Variants in TDRD12 observed in about 807,000 individuals in gnomAD.
TDRD12 encodes the protein tudor domain containing 12.
A neutral mutation model predicts 133.5 loss-of-function variants in TDRD12; 158 were observed. That is an observed-to-expected ratio of 1.18 (90% confidence interval 1.04 to 1.35). TDRD12 has a LOEUF of 1.35. Among genes scored for constraint, TDRD12 ranks in the 40% most tolerant of loss-of-function variants. TDRD12 has a pLI of 0.00. For synonymous variants in TDRD12, 460 were observed against 477.9 expected (o/e 0.96, Z 0.49); for missense variants, 1,443 against 1,321.3 (o/e 1.09, Z -1.43).
At chr19:32,787,070 C>G (rs1411452855) in intron 11 of TDRD12, among the ~76,000 whole-genome samples, 1 of 152,122 alleles carries the variant, frequency 6.6e-6, no homozygotes, top group East Asian at 1.9e-4. Flanking sequence ...GTTTTATCTA[C>G]CTTTGGTCTT....
At chr19:32,821,987 G>A (rs1274741572), downstream of TDRD12, among the ~76,000 whole-genome samples, 1 of 152,136 alleles carries the variant, frequency 6.6e-6, no homozygotes, top group African/African-American at 2.4e-5. Context: ...GGGCATGGTG[G>A]GGGGGCACCT....
At chr19:32,821,340 G>A (rs891932428), downstream of TDRD12, 9 of 579,488 alleles carry the variant, frequency 1.6e-5, no homozygotes, top group South Asian at 4.1e-5. Context: ...CCAGTGATGC[G>A]CACAGATGTT....
chr19:32,826,214 CAATG>C, downstream of TDRD12: 1 of 1,506,076 alleles, frequency 6.6e-7, no homozygotes, highest in Non-Finnish European at 8.9e-7. Context: ...TTAATAAGAT[CAATG>C]AATGCGCAGG....
At chr19:32,805,323 C>T (rs1971516100) in intron 21 of TDRD12, among the ~76,000 whole-genome samples, 2 of 149,348 alleles carry the variant, frequency 1.3e-5, no homozygotes, top group African/African-American at 4.9e-5. Flanking sequence ...GTCAAGGATT[C>T]AGTGAGACGT....
At chr19:32,759,353 C>T (rs746606421) in intron 8 of TDRD12, among the ~76,000 whole-genome samples, 13 of 151,746 alleles carry the variant, frequency 8.6e-5, no homozygotes, top group Non-Finnish European at 7.4e-5. Context: ...CATATGTACA[C>T]GGAGGGGAGG....
In TDRD12 at chr19:32,805,475, C is replaced by T. The variant is rs534106358; in HGVS notation, c.2553-2074C>T. Among the ~76,000 whole-genome samples, 11 of 151,988 alleles carry T rather than the reference C, an allele frequency of 7.2e-5. No individual in the cohort carries two copies. The South Asian group carries it at 2.3e-3, about 32-fold the overall frequency. ...CCATATGGATAATGGTTTGCTCCAG[C>T]ATCGTTTATTTAAAATATCATTCGG... On this transcript the variant is annotated intron_variant, in intron 21 of 27. Transcript: ENST00000444215.
At chr19:32,792,637 G>A (rs1056122080) in intron 13 of TDRD12, among the ~76,000 whole-genome samples, 3 of 152,170 alleles carry the variant, frequency 2.0e-5, no homozygotes, top group Admixed American at 1.3e-4. Flanking sequence ...AAGAATGAAG[G>A]AAGATGATAG....
intron 8 of TDRD12, among the ~76,000 whole-genome samples, chr19:32,758,011 C>T (rs2145554011): frequency 6.6e-6 from 1 of 152,318 alleles, no homozygotes; most frequent in Non-Finnish European, 1.5e-5. Context: ...GCTGGCAGTG[C>T]CCACCCCGTC....
At chr19:32,780,312 C>T (rs1883434023) in intron 11 of TDRD12, among the ~76,000 whole-genome samples, 1 of 152,200 alleles carries the variant, frequency 6.6e-6, no homozygotes, top group African/African-American at 2.4e-5. Context: ...TCTCGAACTC[C>T]TGACCTCAGG....
intron 1 of TDRD12, among the ~76,000 whole-genome samples, chr19:32,725,574 G>A (rs1254161839): frequency 2.0e-5 from 3 of 152,120 alleles, no homozygotes; most frequent in African/African-American, 7.2e-5. Context: ...ATTGGTCTAT[G>A]TGTCTGTTTT....
intron 11 of TDRD12, among the ~76,000 whole-genome samples, chr19:32,787,138 A>T (rs1250007190): frequency 6.7e-6 from 1 of 148,528 alleles, no homozygotes; most frequent in Non-Finnish European, 1.5e-5. Context: ...GTTGATGTTG[A>T]TGCTATTCCT....
At chr19:32,748,567 A>G in intron 5 of TDRD12, 36 bp downstream of exon 5, 1 of 1,538,980 alleles carries the variant, frequency 6.5e-7, no homozygotes, top group South Asian at 1.2e-5. Flanking sequence ...CCTGCCTGGA[A>G]GTGACACCCA....
chr19:32,745,813 T>A (rs79859890), intron 4 of TDRD12, among the ~76,000 whole-genome samples: 8,028 of 106,090 alleles, frequency 0.076, 518 homozygotes, highest in Middle Eastern at 0.12. Context: ...TGTGTGTGTG[T>A]GAGAGAGAAG....
intron 8 of TDRD12, among the ~76,000 whole-genome samples, chr19:32,766,937 T>A (rs1421015801): frequency 2.0e-5 from 3 of 151,298 alleles, no homozygotes; most frequent in Non-Finnish European, 2.9e-5. Context: ...TTGTTTTGTA[T>A]GTTTAGTGGT....
chr19:32,794,424 G>A (rs1971163843), intron 13 of TDRD12, among the ~76,000 whole-genome samples: 1 of 151,982 alleles, frequency 6.6e-6, no homozygotes, highest in African/African-American at 2.4e-5. Context: ...TCTTTTAATG[G>A]GAGTCTTAAT....
chr19:32,818,162 G>A lies in TDRD12; in HGVS notation c.3383+5G>A. 1 of 701,358 alleles carries A rather than the reference G, an allele frequency of 1.4e-6. No homozygotes were observed. Among genetic ancestry groups the A allele is most frequent in the Non-Finnish European group, 2.6e-6 (1 of 384,312 alleles). The allele number at this position is 701,358 out of a possible 1,614,324, so 43.4% of individuals were successfully genotyped here. ...CGAGGAGCAGGGGGGGCAGGGGTGAGTAAGAACACCACAGAGCTTCCTCCC... is the reference window on the plus strand; with the variant it reads ...CGAGGAGCAGGGGGGGCAGGGGTGAATAAGAACACCACAGAGCTTCCTCCC... On this transcript the variant is annotated splice_donor_5th_base_variant and intron_variant, in intron 27 of 27. Transcript: ENST00000444215.
At chr19:32,741,886 A>C (rs1969438601) in intron 3 of TDRD12, among the ~76,000 whole-genome samples, 1 of 152,174 alleles carries the variant, frequency 6.6e-6, no homozygotes, top group African/African-American at 2.4e-5. Flanking sequence ...GGACCCTACA[A>C]AGAAAAAAAT....
intron 14 of TDRD12, among the ~76,000 whole-genome samples, chr19:32,795,335 GAAAAAA>G (rs35855895): frequency 8.8e-6 from 1 of 114,272 alleles, no homozygotes; most frequent in Non-Finnish European, 1.8e-5. Context: ...CTCCATCTCA[GAAAAAA>G]AAAAAAAAAA....
intron 27 of TDRD12, among the ~76,000 whole-genome samples, chr19:32,820,005 CT>C (rs1347488229): frequency 6.6e-6 from 1 of 152,104 alleles, no homozygotes; most frequent in Non-Finnish European, 1.5e-5. Flanking sequence ...TCTTGGTTTG[CT>C]GCTGTTTGAG....
Sources: allele counts gnomAD v4.1 joint callset (sites outside exome capture counted in the v4.1 genomes callset), GRCh38; gene constraint gnomAD v4.1.1; transcripts MANE v1.5; gene names NCBI Gene and HGNC (gene_info 2026-07-23, HGNC 2026-07-21).